The following LINGO1 variants were observed in gnomAD, a reference collection of about 807,000 sequenced individuals.
LINGO1 encodes leucine rich repeat and Ig domain containing 1, also known as leucine-rich repeat and immunoglobulin-like domain-containing nogo receptor-interacting protein 1.
LINGO1 carries 11 observed loss-of-function variants against 37.3 expected under a neutral mutation model. That is an observed-to-expected ratio of 0.29 (90% CI 0.19 to 0.49). LINGO1 has a LOEUF of 0.49. Ranked by LOEUF, LINGO1 falls within the 20% of genes least tolerant of loss-of-function variation. The probability of loss-of-function intolerance (pLI) is 0.99; values close to 1 mark genes in which losing one functional copy is unlikely to be tolerated. For missense variants in LINGO1, 585 were observed against 878.2 expected (o/e 0.67, Z 4.22); for synonymous variants, 387 against 403.0 (o/e 0.96, Z 0.48).
chr15:77,628,566 A>G (rs1295335635), intron 1 of LINGO1, among the ~76,000 whole-genome samples: 1 of 152,224 alleles, frequency 6.6e-6, no homozygotes, highest in African/African-American at 2.4e-5. Flanking sequence ...GAAATACATA[A>G]TTTAGAGTAG....
chr15:77,627,622 G>A (rs74025329), intron 1 of LINGO1, among the ~76,000 whole-genome samples: 6,306 of 152,302 alleles, frequency 0.041, 478 homozygotes, highest in African/African-American at 0.15. Context: ...GCACAGGGGG[G>A]CTGTGCAGGA....
chr15:77,816,215 C>T (rs1391059489), intron 1 of LINGO1, among the ~76,000 whole-genome samples: 2 of 152,188 alleles, frequency 1.3e-5, no homozygotes, highest in East Asian at 1.9e-4. Flanking sequence ...CTTTGAGAGC[C>T]CATCCGGGGA....
intron 1 of LINGO1, among the ~76,000 whole-genome samples, chr15:77,783,415 C>T (rs1427631955): frequency 6.6e-6 from 1 of 152,210 alleles, no homozygotes; most frequent in African/African-American, 2.4e-5. Context: ...AGGGTCCCTG[C>T]TCCCAAAGTC....
chr15:77,791,333 C>T (rs1257725887), upstream of LINGO1, among the ~76,000 whole-genome samples: 1 of 151,984 alleles, frequency 6.6e-6, no homozygotes, highest in Non-Finnish European at 1.5e-5. Context: ...AGCCATGAGG[C>T]CTGGGGGAAC....
chr15:77,776,559 A>AAAGCAGGAAG (rs1555541410), intron 1 of LINGO1, among the ~76,000 whole-genome samples: 2 of 144,504 alleles, frequency 1.4e-5, no homozygotes, highest in East Asian at 2.0e-4. Flanking sequence ...GGAGGGAGGG[A>AAAGCAGGAAG]GCTGACTCTG....
intron 1 of LINGO1, among the ~76,000 whole-genome samples, chr15:77,743,049 G>A (rs758117967): frequency 2.4e-4 from 36 of 152,218 alleles, no homozygotes; most frequent in Admixed American, 5.9e-4. Context: ...CAGAAATTGA[G>A]AAGAATCTGG....
rs76556776 is a variant in LINGO1, at chr15:77,766,206, G to C, written c.-257+20663C>G. ...CCAGCTACTCCAGAGGCTGAGGCAG[G>C]AGGATCGCCTCAGCTTGGGAGATAG... On this transcript the variant is annotated intron_variant, in intron 1 of 3. Transcript: ENST00000561686. Among the ~76,000 whole-genome samples, 236 of 150,766 alleles carry C rather than the reference G, an allele frequency of 1.6e-3. 1 individual carries two copies. The highest frequency in any genetic ancestry group is 5.5e-3 in the African/African-American group (226 of 41,102).
chr15:77,755,968 CG>C (rs1415119413), intron 1 of LINGO1, among the ~76,000 whole-genome samples: 2 of 152,198 alleles, frequency 1.3e-5, no homozygotes, highest in African/African-American at 4.8e-5. Flanking sequence ...CCTGACTCCT[CG>C]GTGGGAGCAG....
At chr15:77,640,653 G>A (rs966085240) in intron 3 of LINGO1, among the ~76,000 whole-genome samples, 3 of 152,094 alleles carry the variant, frequency 2.0e-5, no homozygotes, top group Admixed American at 6.5e-5. Flanking sequence ...GGACATAGAC[G>A]GAGACCAGGC....
chr15:77,649,014 T>C (rs2074699444), intron 3 of LINGO1: 1 of 152,280 alleles, frequency 6.6e-6, no homozygotes, highest in Admixed American at 6.5e-5. Context: ...TTGTGGGTTC[T>C]GGTCCGTGGA....
At chr15:77,688,582 G>A (rs921800312) in intron 2 of LINGO1, among the ~76,000 whole-genome samples, 6 of 152,148 alleles carry the variant, frequency 3.9e-5, no homozygotes, top group African/African-American at 1.2e-4. Context: ...TGGGCCTGGG[G>A]GAGACCCTCC....
chr15:77,626,904 G>A (rs1191839010), intron 1 of LINGO1, among the ~76,000 whole-genome samples: 2 of 152,134 alleles, frequency 1.3e-5, no homozygotes, highest in Non-Finnish European at 2.9e-5. Context: ...TCAGCTCTGA[G>A]ATGCCCCCGT....
At chr15:77,780,846 G>C (rs1043325309) in intron 1 of LINGO1, among the ~76,000 whole-genome samples, 8 of 151,456 alleles carry the variant, frequency 5.3e-5, no homozygotes, top group African/African-American at 1.9e-4. Flanking sequence ...CCCTCCCTCT[G>C]ACCCCGACCA....
intron 2 of LINGO1, among the ~76,000 whole-genome samples, chr15:77,717,395 G>A (rs2075997363): frequency 6.6e-6 from 1 of 150,800 alleles, no homozygotes; most frequent in South Asian, 2.1e-4. Flanking sequence ...CAGCCAGCCT[G>A]TGGGGCCGCC....
intron 1 of LINGO1, among the ~76,000 whole-genome samples, chr15:77,630,215 C>T (rs1005650586): frequency 6.6e-6 from 1 of 152,148 alleles, no homozygotes; most frequent in Non-Finnish European, 1.5e-5. Context: ...CCCTACCCTC[C>T]ACTGGACACG....
At chr15:77,736,600 A>C (rs939694800) in intron 1 of LINGO1, among the ~76,000 whole-genome samples, 5 of 151,862 alleles carry the variant, frequency 3.3e-5, no homozygotes, top group Admixed American at 3.3e-4. Flanking sequence ...CTGTCTCTAC[A>C]AAAAAAATAA....
chr15:77,779,928 T>C (rs2076698865), intron 1 of LINGO1, among the ~76,000 whole-genome samples: 1 of 152,140 alleles, frequency 6.6e-6, no homozygotes, highest in African/African-American at 2.4e-5. Context: ...TGGAACCCAG[T>C]GGTGAGCCAG....
At chr15:77,663,745 G>A (rs976770931) in intron 3 of LINGO1, among the ~76,000 whole-genome samples, 2 of 152,170 alleles carry the variant, frequency 1.3e-5, no homozygotes, top group Non-Finnish European at 2.9e-5. Context: ...CCACTCTGCC[G>A]CTCATATCCC....
At position 77,652,049 on chromosome 15, in the gene LINGO1, C is replaced by CT. The variant is rs1365433807; in HGVS notation, c.-13+25039dup. Reference sequence around the variant, plus strand: ...GCCAGAGCCCTGTTCCATCCACTCTCTGAGCAGATGTCTCCCTACGAAGGC... The same window carrying CT: ...GCCAGAGCCCTGTTCCATCCACTCTCTTGAGCAGATGTCTCCCTACGAAGGC... On this transcript the variant is annotated intron_variant, in intron 3 of 3. Coordinates refer to the LINGO1 transcript ENST00000559893. 5.3e-5 allele frequency: 8 copies of CT among 152,224 alleles called. No individual in the cohort carries two copies. The East Asian group carries it at 1.5e-3, about 29-fold the overall frequency. The allele number at this position is 152,224 out of a possible 1,614,324, so 9.4% of individuals were successfully genotyped here. A position where few individuals can be genotyped will look rare whatever the true frequency, so the allele number is the denominator to read the frequency against.
Sources: allele counts gnomAD v4.1 joint callset (sites outside exome capture counted in the v4.1 genomes callset), GRCh38; gene constraint gnomAD v4.1.1; transcripts MANE v1.5; gene names NCBI Gene and HGNC (gene_info 2026-07-23, HGNC 2026-07-21).